The following TANC1 variants were observed in gnomAD, a reference collection of about 807,000 sequenced individuals.
TANC1 encodes tetratricopeptide repeat, ankyrin repeat and coiled-coil containing 1, also known as protein TANC1.
Under a neutral mutation model 149.7 loss-of-function variants are expected in TANC1, and 77 were observed. The ratio of observed to expected loss-of-function variants is 0.51; its 90% CI spans 0.43 to 0.62. The LOEUF (loss-of-function observed/expected upper bound fraction) is 0.62. TANC1 is among the 20% of genes least tolerant of loss of function. The probability of loss-of-function intolerance (pLI) is 0.00; values close to 1 mark genes in which losing one functional copy is unlikely to be tolerated. For synonymous variants in TANC1, 854 were observed against 925.0 expected (o/e 0.92, Z 1.39); for missense variants, 1,985 against 2,321.8 (o/e 0.85, Z 2.98).
intron 3 of TANC1, among the ~76,000 whole-genome samples, chr2:159,091,328 G>A (rs550173873): frequency 2.6e-4 from 40 of 152,324 alleles, no homozygotes; most frequent in African/African-American, 9.4e-4. Context: ...TGGCGTGGCT[G>A]TGAAGATTAA....
At chr2:159,004,429 T>C in intron 2 of TANC1, 8 of 854,640 alleles carry the variant, frequency 9.4e-6, no homozygotes, top group Non-Finnish European at 1.5e-5. Flanking sequence ...TTCAGTAATA[T>C]AAATATTTTC....
intron 14 of TANC1, among the ~76,000 whole-genome samples, chr2:159,181,167 G>A (rs1461604285): frequency 1.3e-5 from 2 of 152,024 alleles, no homozygotes; most frequent in Admixed American, 1.3e-4. Context: ...CTGGGTTTTT[G>A]CTTAACACAT....
At chr2:158,979,238 T>TC (rs1374108234) in intron 1 of TANC1, among the ~76,000 whole-genome samples, 1 of 152,142 alleles carries the variant, frequency 6.6e-6, no homozygotes, top group Admixed American at 6.5e-5. Flanking sequence ...CCTATAATTC[T>TC]AGTACTTTGG....
intron 2 of TANC1, among the ~76,000 whole-genome samples, chr2:159,024,817 G>C (rs2039129318): frequency 6.6e-6 from 1 of 151,946 alleles, no homozygotes; most frequent in East Asian, 1.9e-4. Flanking sequence ...TCTATGTTTA[G>C]ATATGTTTAG....
At position 159,060,048 on chromosome 2, in the gene TANC1, T is replaced by C. The variant is rs546717030; in HGVS notation, c.-15-5848T>C. On this transcript the variant is annotated intron_variant, in intron 2 of 26. Transcript: ENST00000263635. ...TCAGACTCCCTGCTACCACCACCAC[T>C]TTCTTGTTGCTAATATGAAGAACAG... 12 of 830,908 alleles carry C rather than the reference T, an allele frequency of 1.4e-5. 1 individual carries two copies. The East Asian group carries it at 1.5e-3, about 103-fold the overall frequency. 51.5% of individuals were successfully genotyped at this position (830,908 alleles called of 1,614,324 possible). A position where few individuals can be genotyped will look rare whatever the true frequency, so the allele number is the denominator to read the frequency against.
chr2:159,146,729 T>C (rs2052151726), intron 5 of TANC1, among the ~76,000 whole-genome samples: 1 of 151,910 alleles, frequency 6.6e-6, no homozygotes, highest in African/African-American at 2.4e-5. Flanking sequence ...TTAATAGAGA[T>C]GGGGTTTCAC....
At position 159,076,985 on chromosome 2, in the gene TANC1, GT is replaced by G. The variant is rs368212119; in HGVS notation, c.61+11025del. ...TTCTTCCTTCAGGGACGTTCATTTTGTTTTTTTTTTTCCTTTAGATTTTTTT... is the reference window on the plus strand; with the variant it reads ...TTCTTCCTTCAGGGACGTTCATTTTGTTTTTTTTTTCCTTTAGATTTTTTT... On this transcript the variant is annotated intron_variant, in intron 3 of 26. Coordinates refer to ENST00000263635, the MANE Select transcript of TANC1 (RefSeq NM_033394.3). Among the ~76,000 whole-genome samples, 145 of 142,320 alleles carry G rather than the reference GT, an allele frequency of 1.0e-3. 1 individual carries two copies. Among genetic ancestry groups the G allele is most frequent in the African/African-American group, 3.0e-3 (119 of 39,074 alleles). 93.4% of individuals were successfully genotyped at this position (142,320 alleles called of 152,430 possible).
chr2:159,087,516 T>G (rs1040060859), intron 3 of TANC1, among the ~76,000 whole-genome samples: 3 of 136,132 alleles, frequency 2.2e-5, no homozygotes, highest in Admixed American at 7.1e-5. Context: ...TTTGTTTTTG[T>G]TTTTTTTTTG....
intron 3 of TANC1, among the ~76,000 whole-genome samples, chr2:159,083,171 T>G (rs2044458575): frequency 6.6e-6 from 1 of 152,086 alleles, no homozygotes; most frequent in African/African-American, 2.4e-5. Flanking sequence ...GCCAGGCTGG[T>G]CTTGAACTCC....
intron 1 of TANC1, among the ~76,000 whole-genome samples, chr2:158,988,340 A>T (rs572266453): frequency 1.3e-5 from 2 of 151,952 alleles, no homozygotes; most frequent in East Asian, 3.9e-4. Flanking sequence ...AAAAAAAAAA[A>T]AAAGAAAAAG....
chr2:158,984,901 A>G (rs1428844084), intron 1 of TANC1, among the ~76,000 whole-genome samples: 1 of 152,186 alleles, frequency 6.6e-6, no homozygotes, highest in African/African-American at 2.4e-5. Context: ...GGGAGAAGAG[A>G]GCCAGATTGC....
In TANC1 at chr2:159,104,208, G is replaced by A. The variant is rs188011046; in HGVS notation, c.259+6374G>A. ...CTGCGTGCCCAGCTGTGAACGTGAC[G>A]CACAGATTTTCTGTTGTACTTGAAC... On this transcript the variant is annotated intron_variant, in intron 4 of 26. Transcript: ENST00000263635. Among the ~76,000 whole-genome samples the A allele has an allele frequency of 1.1e-4, 11 of 96,030 alleles. 4 individuals are homozygous for A. The highest frequency in any genetic ancestry group is 3.3e-4 in the Admixed American group (3 of 9,064). The allele number at this position is 96,030 out of a possible 152,430, so 63.0% of individuals were successfully genotyped here.
chr2:159,068,591 GA>G (rs538792931), intron 3 of TANC1, among the ~76,000 whole-genome samples: 5 of 152,264 alleles, frequency 3.3e-5, no homozygotes, highest in African/African-American at 1.2e-4. Flanking sequence ...ATATTTTTCA[GA>G]AGCGTTGAAC....
intron 2 of TANC1, among the ~76,000 whole-genome samples, chr2:159,047,113 A>C (rs2041123442): frequency 6.6e-6 from 1 of 151,570 alleles, no homozygotes; most frequent in South Asian, 2.1e-4. Context: ...TCCTCCTCTT[A>C]GACAATCTTT....
intron 2 of TANC1, among the ~76,000 whole-genome samples, chr2:159,020,801 G>A (rs916195567): frequency 6.6e-6 from 1 of 151,974 alleles, no homozygotes; most frequent in African/African-American, 2.4e-5. Flanking sequence ...GAACCCTCTG[G>A]ACACACACAT....
intron 19 of TANC1, among the ~76,000 whole-genome samples, chr2:159,207,697 CAAAAAAAAAAAAAAAAAA>C (rs10603858): frequency 2.0e-5 from 1 of 49,434 alleles, no homozygotes; most frequent in Admixed American, 3.2e-4. Flanking sequence ...ACACGTGTCT[CAAAAAAAAAAAAAAAAAA>C]AAAAAAAAAA....
chr2:159,006,541 C>T (rs544297392), intron 2 of TANC1, among the ~76,000 whole-genome samples: 68 of 152,234 alleles, frequency 4.5e-4, no homozygotes, highest in African/African-American at 1.6e-3. Context: ...TTTATAATTA[C>T]ACATTGTTTA....
chr2:159,062,299 ATTATTTC>A (rs1386074776), intron 2 of TANC1, among the ~76,000 whole-genome samples: 1 of 152,132 alleles, frequency 6.6e-6, no homozygotes, highest in Admixed American at 6.5e-5. Context: ...AAAAAAGAAC[ATTATTTC>A]TTATGTTTTA....
At chr2:159,198,765 ATTCACTGAGATTTTTT>A in intron 18 of TANC1, among the ~76,000 whole-genome samples, 194 bp from the exon 19 acceptor site, 1 of 152,272 alleles carries the variant, frequency 6.6e-6, no homozygotes, top group East Asian at 1.9e-4. Context: ...TATTGCTGAA[ATTCACTGAGATTTTTT>A]TTTAATTCTT....
Sources: gnomAD v4.1 joint callset for allele counts (sites outside exome capture counted in the v4.1 genomes callset) on GRCh38, gnomAD v4.1.1 for gene constraint, MANE v1.5 for transcripts, NCBI Gene and HGNC (gene_info 2026-07-23, HGNC 2026-07-21) for gene names.